RPS6KB1: variants seen among roughly 807,000 people sequenced by gnomAD.
RPS6KB1 encodes the protein ribosomal protein S6 kinase beta-1.
In RPS6KB1, 12 loss-of-function variants were observed where a neutral mutation model predicts 70.2. The observed-to-expected ratio is 0.17, with a 90% CI of 0.11 to 0.28. The LOEUF (loss-of-function observed/expected upper bound fraction) is 0.28. RPS6KB1 is among the 10% of genes least tolerant of loss of function. The pLI, the probability that RPS6KB1 is intolerant of heterozygous loss-of-function variation, is 1.00. For missense variants in RPS6KB1, 270 were observed against 646.6 expected, an observed-to-expected ratio of 0.42 and a Z score of 6.32; for synonymous variants, 175 against 211.2, an observed-to-expected ratio of 0.83 and a Z score of 1.49.
intron 4 of RPS6KB1, among the ~76,000 whole-genome samples, chr17:59,915,912 A>T (rs2042935738): frequency 1.4e-5 from 2 of 145,090 alleles, no homozygotes; most frequent in South Asian, 2.1e-4. Context: ...CAGCCTCCCT[A>T]GTAGCTGGGA....
intron 4 of RPS6KB1, among the ~76,000 whole-genome samples, chr17:59,922,870 T>TG (rs1284186126): frequency 6.9e-6 from 1 of 144,014 alleles, no homozygotes; most frequent in Non-Finnish European, 1.5e-5. Flanking sequence ...AAAAATTTGT[T>TG]TGTTTTTTTT....
intron 1 of RPS6KB1, among the ~76,000 whole-genome samples, chr17:59,904,068 G>GTATTTATT (rs34220591): frequency 0.15 from 23,102 of 149,294 alleles, 2,142 homozygotes; most frequent in East Asian, 0.37. Context: ...TTGAGTTGGA[G>GTATTTATT]TATTTATTTA....
chr17:59,935,355 T>A, intron 10 of RPS6KB1, 55 bp downstream of exon 10: 3 of 923,832 alleles, frequency 3.2e-6, no homozygotes, highest in Non-Finnish European at 1.7e-6. Context: ...AGGATTTAAC[T>A]AGATAGAATT....
At chr17:59,919,489 CT>C (rs199985783) in intron 4 of RPS6KB1, among the ~76,000 whole-genome samples, 3 of 151,452 alleles carry the variant, frequency 2.0e-5, no homozygotes, top group East Asian at 1.9e-4. Context: ...GTCTGTAGAT[CT>C]TTTTTTTTCT....
rs185577709 is a variant in RPS6KB1, at chr17:59,934,880, T to C, written c.871-313T>C. The C allele has an allele frequency of 1.8e-3, 653 of 368,142 alleles. 4 individuals are homozygous for C. The highest frequency in any genetic ancestry group is 0.012 in the African/African-American group (580 of 48,484). The allele number at this position is 368,142 out of a possible 1,614,324, so 22.8% of individuals were successfully genotyped here. A position where few individuals can be genotyped will look rare whatever the true frequency, so the allele number is the denominator to read the frequency against. On this transcript the variant is annotated intron_variant, in intron 9 of 14. Transcript: ENST00000225577. This position sits in a 1 kb window ranked among gnomAD's most constrained non-coding sequence, Gnocchi z 4.8. ...TTCCAGGACACTGCTACTTCCTCTG[T>C]CCTGTTGCTTAAAAACTGCACGTCT...
intron 4 of RPS6KB1, among the ~76,000 whole-genome samples, chr17:59,918,529 C>A (rs2144849203): frequency 6.6e-6 from 1 of 152,066 alleles, no homozygotes; most frequent in East Asian, 1.9e-4. Flanking sequence ...GCTACCACAC[C>A]TGGCTAATTT....
Position 59,934,057 on chromosome 17 carries a change from T to C in RPS6KB1, c.689-113T>C, listed in dbSNP as rs2044098941. 1 of 745,034 alleles carries C rather than the reference T, an allele frequency of 1.3e-6. No homozygotes were observed. The highest frequency in any genetic ancestry group is 1.7e-5 in the South Asian group (1 of 59,654). The allele number at this position is 745,034 out of a possible 1,614,324, so 46.2% of individuals were successfully genotyped here. On this transcript the variant is annotated intron_variant, in intron 7 of 14. Coordinates refer to ENST00000225577, the MANE Select transcript of RPS6KB1 (RefSeq NM_003161.4). This position sits in a 1 kb window ranked among gnomAD's most constrained non-coding sequence, Gnocchi z 4.8. Reference sequence around the variant, plus strand: ...CTTGTTCTTGACATCTGCAAGAAAATTTGAGGCAAGAAAAGTTAAATGGAA... The same window carrying C: ...CTTGTTCTTGACATCTGCAAGAAAACTTGAGGCAAGAAAAGTTAAATGGAA...
chr17:59,921,645 ACTT>A (rs1449879998), intron 4 of RPS6KB1, among the ~76,000 whole-genome samples: 1 of 152,140 alleles, frequency 6.6e-6, no homozygotes, highest in Non-Finnish European at 1.5e-5. Flanking sequence ...GGGACTGTTT[ACTT>A]CTTATAGGAA....
At chr17:59,908,482 T>A (rs2042400212) in intron 1 of RPS6KB1, among the ~76,000 whole-genome samples, 1 of 151,820 alleles carries the variant, frequency 6.6e-6, no homozygotes, top group African/African-American at 2.4e-5. Flanking sequence ...ATTACAGGTA[T>A]GAGCCACTGC....
chr17:59,908,613 ATTTTTTTTTTTTTT>A (rs546677930), intron 1 of RPS6KB1, among the ~76,000 whole-genome samples: 2 of 106,164 alleles, frequency 1.9e-5, no homozygotes, highest in African/African-American at 7.1e-5. Context: ...TGTAAAAAAA[ATTTTTTTTTTTTTT>A]TTTTTTTTTG....
Position 59,904,698 on chromosome 17 carries a change from GT to G in RPS6KB1, c.142-5848del, listed in dbSNP as rs950470089. ...CATGAGCCACTGCACCTGGCATTCT[GT>G]TTTTTTTTTTTTTTTGAGGTGGAGT... On this transcript the variant is annotated intron_variant, in intron 1 of 14. Coordinates refer to ENST00000225577, the MANE Select transcript of RPS6KB1 (RefSeq NM_003161.4). 4.5e-3 allele frequency among the ~76,000 whole-genome samples: 552 copies of G among 122,622 alleles called. 12 individuals carry two copies. The highest frequency in any genetic ancestry group is 0.036 in the Admixed American group (426 of 11,688). The allele number at this position is 122,622 out of a possible 152,430, so 80.4% of individuals were successfully genotyped here.
intron 1 of RPS6KB1, among the ~76,000 whole-genome samples, chr17:59,908,566 TG>T (rs990142598): frequency 3.3e-5 from 5 of 151,744 alleles, no homozygotes; most frequent in Non-Finnish European, 7.4e-5. Flanking sequence ...TTTTATTTTT[TG>T]ATTAGTCATG....
Position 59,914,681 on chromosome 17 carries a change from T to A in RPS6KB1, c.359T>A (p.Phe120Tyr), listed in dbSNP as rs1159721037. The change falls in exon 4 of 15, where the codon TTT becomes TAT. Residue 120 changes from phenylalanine (F) to tyrosine (Y), a missense_variant. Coordinates refer to ENST00000225577, the MANE Select transcript of RPS6KB1 (RefSeq NM_003161.4). ...KVTGANTGKIFAMKVLKKAMI... is the reference protein window; with the variant it reads ...KVTGANTGKIYAMKVLKKAMI... ...ACAGGAGCAAATACTGGGAAAATAT[T>A]TGCCATGAAGGTGCTTAAAAAGGTG... The A allele has an allele frequency of 6.2e-7, 1 of 1,612,708 alleles. No individual in the cohort carries two copies. The highest frequency in any genetic ancestry group is 1.7e-5 in the Admixed American group (1 of 59,652).
chr17:59,943,890 T>TTATATA lies in RPS6KB1; in HGVS notation c.1228-1505_1228-1500dup, dbSNP rs34821995. 3.9e-3 allele frequency among the ~76,000 whole-genome samples: 517 copies of TTATATA among 132,402 alleles called. 5 individuals are homozygous for TTATATA. Among genetic ancestry groups the TTATATA allele is most frequent in the African/African-American group, 9.1e-3 (320 of 35,262 alleles). 86.9% of individuals were successfully genotyped at this position (132,402 alleles called of 152,430 possible). A position where few individuals can be genotyped will look rare whatever the true frequency, so the allele number is the denominator to read the frequency against. On this transcript the variant is annotated intron_variant, in intron 13 of 14. Transcript: ENST00000225577. ...ATCCATCTCAAAAAAAAAAAAAAAA[T>TTATATA]TATATATATATATATACACATATAT...
chr17:59,895,881 C>T (rs1053576879), intron 1 of RPS6KB1, among the ~76,000 whole-genome samples: 1 of 152,174 alleles, frequency 6.6e-6, no homozygotes, highest in Non-Finnish European at 1.5e-5. Context: ...AATCTGCCAG[C>T]CTTGGCCTCT....
At chr17:59,924,320 C>A (rs955181331) in intron 4 of RPS6KB1, among the ~76,000 whole-genome samples, 2 of 124,890 alleles carry the variant, frequency 1.6e-5, no homozygotes, top group African/African-American at 7.7e-5. Context: ...CAGAGTGAGA[C>A]TCTGTCTAGA....
At chr17:59,908,825 A>G (rs1299558291) in intron 1 of RPS6KB1, among the ~76,000 whole-genome samples, 4 of 137,524 alleles carry the variant, frequency 2.9e-5, no homozygotes, top group Non-Finnish European at 4.6e-5. Context: ...TCACCGTGTT[A>G]GCCAGGATGG....
At chr17:59,895,952 A>G (rs1166055180) in intron 1 of RPS6KB1, among the ~76,000 whole-genome samples, 1 of 152,112 alleles carries the variant, frequency 6.6e-6, no homozygotes, top group Non-Finnish European at 1.5e-5. Flanking sequence ...TTTTTCAATG[A>G]TGTTTTCATG....
rs538827440 is a variant in RPS6KB1, at chr17:59,942,878, G to A, written c.1227+1935G>A. ...ACCTGTGGTACCAACTACTTGGGAG[G>A]CTGAGGCAGGAGAATCACTTGAACC... On this transcript the variant is annotated intron_variant, in intron 13 of 14. Coordinates refer to ENST00000225577, the MANE Select transcript of RPS6KB1 (RefSeq NM_003161.4). Among the ~76,000 whole-genome samples, 4 of 152,120 alleles carry A rather than the reference G, an allele frequency of 2.6e-5. No homozygotes were observed. The South Asian group carries it at 8.3e-4, about 32-fold the overall frequency.
Sources: allele counts gnomAD v4.1 joint callset (sites outside exome capture counted in the v4.1 genomes callset), GRCh38; gene constraint gnomAD v4.1.1; non-coding constraint Gnocchi (gnomAD v3.1); transcripts MANE v1.5; gene names NCBI Gene and HGNC (gene_info 2026-07-23, HGNC 2026-07-21).